The following GPC6 variants were observed in gnomAD, a reference collection of about 807,000 sequenced individuals.
GPC6 encodes the protein glypican 6, also known as glypican-6.
In GPC6, 14 loss-of-function variants were observed where a neutral mutation model predicts 55.2. The ratio of observed to expected loss-of-function variants is 0.25; its 90% CI spans 0.17 to 0.40. The LOEUF (loss-of-function observed/expected upper bound fraction) is 0.40, where lower values mean the gene tolerates loss of function less well. Ranked by LOEUF, GPC6 falls within the 10% of genes least tolerant of loss-of-function variation. The pLI is 1.00. For missense variants in GPC6, 641 were observed against 708.5 expected (o/e 0.90, Z 1.08); for synonymous variants, 278 against 259.6 (o/e 1.07, Z -0.68).
chr13:93,524,275 G>A (rs1243076381), intron 1 of GPC6, among the ~76,000 whole-genome samples: 1 of 151,940 alleles, frequency 6.6e-6, no homozygotes, highest in Non-Finnish European at 1.5e-5. Flanking sequence ...CAAATCACTA[G>A]AAACAGGCAT....
intron 3 of GPC6, among the ~76,000 whole-genome samples, chr13:94,014,433 C>T (rs1180689515): frequency 6.6e-6 from 1 of 152,130 alleles, no homozygotes; most frequent in East Asian, 1.9e-4. Flanking sequence ...GTCTTTAGCT[C>T]CGAAATCCCT....
chr13:93,907,396 T>C (rs1876727690), intron 3 of GPC6, among the ~76,000 whole-genome samples: 1 of 152,180 alleles, frequency 6.6e-6, no homozygotes, highest in African/African-American at 2.4e-5. Flanking sequence ...TGTTCTAGTT[T>C]TCCACCTAAC....
At chr13:94,114,000 G>C (rs1593945406) in intron 4 of GPC6, among the ~76,000 whole-genome samples, 1 of 103,258 alleles carries the variant, frequency 9.7e-6, no homozygotes, top group African/African-American at 3.9e-5. Context: ...CTGAGTGACA[G>C]AACAAGACTC....
At chr13:93,376,401 T>A (rs969872453) in intron 1 of GPC6, among the ~76,000 whole-genome samples, 3 of 152,184 alleles carry the variant, frequency 2.0e-5, no homozygotes, top group Admixed American at 1.3e-4. Context: ...GCATTGGGTT[T>A]TCCATCTTTG....
At chr13:93,469,751 A>T (rs1879041667) in intron 1 of GPC6, among the ~76,000 whole-genome samples, 1 of 152,138 alleles carries the variant, frequency 6.6e-6, no homozygotes. Flanking sequence ...GATCCATTTT[A>T]AGTTAAAACT....
chr13:93,465,544 TCAC>T (rs1279344399), intron 1 of GPC6, among the ~76,000 whole-genome samples: 3 of 152,212 alleles, frequency 2.0e-5, no homozygotes, highest in African/African-American at 7.2e-5. Flanking sequence ...TGCAGCTTCC[TCAC>T]CTCTCTCAAC....
chr13:94,329,782 C>A (rs1157310659), intron 6 of GPC6, among the ~76,000 whole-genome samples: 8 of 151,922 alleles, frequency 5.3e-5, no homozygotes, highest in Admixed American at 5.2e-4. Context: ...TCCTCCTACT[C>A]CTCCTCCTCC....
At position 93,972,272 on chromosome 13, in the gene GPC6, G is replaced by A. The variant is rs138170445; in HGVS notation, c.712-55457G>A. ...GATTTATTGGCTCAGGGTAAAGCCTGGTAGATTAAAGTCTTCAGTGACTGA... is the reference window on the plus strand; with the variant it reads ...GATTTATTGGCTCAGGGTAAAGCCTAGTAGATTAAAGTCTTCAGTGACTGA... On this transcript the variant is annotated intron_variant, in intron 3 of 8. Transcript: ENST00000377047. Among the ~76,000 whole-genome samples the A allele has an allele frequency of 3.2e-4, 48 of 152,256 alleles. 1 individual carries two copies. The highest frequency in any genetic ancestry group is 5.7e-4 in the Non-Finnish European group (39 of 68,012).
At chr13:93,420,386 C>G (rs149520914) in intron 1 of GPC6, among the ~76,000 whole-genome samples, 8 of 152,140 alleles carry the variant, frequency 5.3e-5, no homozygotes, top group African/African-American at 1.9e-4. Flanking sequence ...AAGGAGGTGT[C>G]CATGCTGAGT....
intron 2 of GPC6, among the ~76,000 whole-genome samples, chr13:93,546,123 A>G (rs1874774040): frequency 6.6e-6 from 1 of 152,206 alleles, no homozygotes; most frequent in Non-Finnish European, 1.5e-5. Context: ...CAATAAATTT[A>G]GTATTTTTAG....
chr13:94,241,169 A>G (rs962906424), intron 4 of GPC6, among the ~76,000 whole-genome samples: 1 of 152,160 alleles, frequency 6.6e-6, no homozygotes, highest in African/African-American at 2.4e-5. Flanking sequence ...AAGAGAAGAT[A>G]GCTGCCTACA....
intron 6 of GPC6, among the ~76,000 whole-genome samples, chr13:94,331,385 A>C (rs935048005): frequency 6.6e-6 from 1 of 152,068 alleles, no homozygotes; most frequent in African/African-American, 2.4e-5. Flanking sequence ...TCCCTGATTT[A>C]CAGCAACCCC....
Position 94,240,846 on chromosome 13 carries a change from T to G in GPC6, c.878-45503T>G, listed in dbSNP as rs1046551016. On this transcript the variant is annotated intron_variant, in intron 4 of 8. Transcript: ENST00000377047. ...TTTTAGGCACCTGCAGGAATGGTTTTCCTTTGGGCCAGCTGGGAAGCTCCT... is the reference window on the plus strand; with the variant it reads ...TTTTAGGCACCTGCAGGAATGGTTTGCCTTTGGGCCAGCTGGGAAGCTCCT... Among the ~76,000 whole-genome samples, 57 of 152,080 alleles carry G rather than the reference T, an allele frequency of 3.7e-4. 1 individual carries two copies. Among genetic ancestry groups the G allele is most frequent in the Non-Finnish European group, 5.9e-5 (4 of 68,012 alleles).
chr13:93,396,303 G>A (rs565843592), intron 1 of GPC6, among the ~76,000 whole-genome samples: 3 of 152,240 alleles, frequency 2.0e-5, no homozygotes, highest in Admixed American at 1.3e-4. Flanking sequence ...GGTAGCTCAC[G>A]CCTGTAATCC....
intron 1 of GPC6, among the ~76,000 whole-genome samples, chr13:93,400,190 G>T (rs187347387): frequency 6.6e-6 from 1 of 152,032 alleles, no homozygotes; most frequent in African/African-American, 2.4e-5. Context: ...CTTCCGACCC[G>T]AATTATGAAT....
At chr13:93,504,274 A>G (rs1880625023) in intron 1 of GPC6, among the ~76,000 whole-genome samples, 2 of 152,136 alleles carry the variant, frequency 1.3e-5, no homozygotes, top group African/African-American at 4.8e-5. Flanking sequence ...TTCAAAAGTT[A>G]TTAGAATTAG....
At chr13:93,506,752 C>A (rs558881013) in intron 1 of GPC6, among the ~76,000 whole-genome samples, 3 of 151,664 alleles carry the variant, frequency 2.0e-5, no homozygotes, top group Non-Finnish European at 2.9e-5. Flanking sequence ...TTAAAAAGCC[C>A]GGAGTAGGCC....
intron 2 of GPC6, among the ~76,000 whole-genome samples, chr13:93,768,375 G>A (rs946513303): frequency 1.6e-4 from 25 of 152,218 alleles, no homozygotes; most frequent in Admixed American, 5.9e-4. Flanking sequence ...TCCATAGCAC[G>A]TACAGTTGTC....
At chr13:93,690,436 T>A (rs190891382) in intron 2 of GPC6, among the ~76,000 whole-genome samples, 250 of 151,922 alleles carry the variant, frequency 1.6e-3, no homozygotes, top group Middle Eastern at 6.8e-3. Context: ...TGGGAAAAAA[T>A]ATATATATAT....
Sources: gnomAD v4.1 joint callset for allele counts (sites outside exome capture counted in the v4.1 genomes callset) on GRCh38, gnomAD v4.1.1 for gene constraint, MANE v1.5 for transcripts, NCBI Gene and HGNC (gene_info 2026-07-23, HGNC 2026-07-21) for gene names.